SPECC1L: variants seen among roughly 807,000 people sequenced by gnomAD.
SPECC1L encodes cytospin-A.
In SPECC1L, 40 loss-of-function variants were observed where a neutral mutation model predicts 116.8. The observed-to-expected ratio is 0.34, with a 90% CI of 0.27 to 0.45. The LOEUF is 0.45. Ranked by LOEUF, SPECC1L falls within the 20% of genes least tolerant of loss-of-function variation. The pLI is 1.00. For synonymous variants in SPECC1L, 504 were observed against 500.6 expected (o/e 1.01, Z -0.09); for missense variants, 1,110 against 1,373.6 (o/e 0.81, Z 3.03).
At chr22:24,271,527 G>C (rs1202763750) in intron 1 of SPECC1L, among the ~76,000 whole-genome samples, 3 of 152,244 alleles carry the variant, frequency 2.0e-5, no homozygotes, top group Non-Finnish European at 4.4e-5. Context: ...CTTGAGACGT[G>C]GTTAATTGCA....
intron 14 of SPECC1L, among the ~76,000 whole-genome samples, chr22:24,399,825 T>C (rs2042438099): frequency 6.6e-6 from 1 of 152,154 alleles, no homozygotes; most frequent in African/African-American, 2.4e-5. Flanking sequence ...AGGTACTCAG[T>C]TTCAAGCTGA....
chr22:24,293,230 C>G (rs1233687416), intron 2 of SPECC1L, among the ~76,000 whole-genome samples: 1 of 151,990 alleles, frequency 6.6e-6, no homozygotes, highest in Non-Finnish European at 1.5e-5. Context: ...CCGAGGCAGT[C>G]GAATCATGAG....
chr22:24,413,244 T>C (rs1436786994), intron 16 of SPECC1L, among the ~76,000 whole-genome samples: 2 of 152,168 alleles, frequency 1.3e-5, no homozygotes, highest in Non-Finnish European at 1.5e-5. Flanking sequence ...AAACCCGGCG[T>C]GTTCTCAGGT....
intron 11 of SPECC1L, among the ~76,000 whole-genome samples, chr22:24,348,645 C>T (rs1343595529): frequency 1.3e-5 from 2 of 152,224 alleles, no homozygotes; most frequent in African/African-American, 4.8e-5. Flanking sequence ...CCCAAATACT[C>T]TGCATCTCTC....
chr22:24,322,902 A>G lies in SPECC1L; in HGVS notation c.1922A>G (p.Gln641Arg), dbSNP rs1363906029. The G allele has an allele frequency of 1.2e-6, 2 of 1,613,990 alleles. No homozygotes were observed. The highest frequency in any genetic ancestry group is 1.7e-6 in the Non-Finnish European group (2 of 1,179,872). ...AHTRNDANRL[Q>R]DAIAKVEDEY... ...ACCCGAAATGATGCCAATCGATTAC[A>G]GGATGCCATTGCTAAGGTATTGTTT... Residue 641 changes from glutamine to arginine, a missense_variant, in exon 5 of 17, where the codon CAG becomes CGG. Gln to Arg is a conservative substitution (Grantham distance 43). This residue lies in a region of SPECC1L where 575 missense variants were observed against 682.4 expected (regional missense o/e 0.84). Coordinates refer to ENST00000314328, the MANE Select transcript of SPECC1L (RefSeq NM_015330.6).
chr22:24,284,718 A>T (rs1417042416), intron 2 of SPECC1L, among the ~76,000 whole-genome samples: 1 of 152,198 alleles, frequency 6.6e-6, no homozygotes, highest in African/African-American at 2.4e-5. Flanking sequence ...TACATGCGTG[A>T]ACCACAACAC....
At chr22:24,376,929 T>G (rs2041983153) in intron 14 of SPECC1L, among the ~76,000 whole-genome samples, 2 of 152,060 alleles carry the variant, frequency 1.3e-5, no homozygotes, top group African/African-American at 4.8e-5. Flanking sequence ...TTTAAGTGTA[T>G]TCAGAGTTGT....
chr22:24,410,499 G>A (rs547528662), intron 14 of SPECC1L, among the ~76,000 whole-genome samples: 6 of 152,312 alleles, frequency 3.9e-5, no homozygotes, highest in Admixed American at 2.6e-4. Context: ...GAGGAGCCCT[G>A]TACTCATCCC....
chr22:24,412,035 C>T, intron 15 of SPECC1L: 1 of 422,334 alleles, frequency 2.4e-6, no homozygotes, highest in Non-Finnish European at 4.5e-6. Context: ...TCAGGCAGTG[C>T]TGACCAGGCC....
At chr22:24,317,606 G>C (rs1288930586) in intron 4 of SPECC1L, among the ~76,000 whole-genome samples, 6 of 149,984 alleles carry the variant, frequency 4.0e-5, no homozygotes, top group African/African-American at 1.5e-4. Context: ...TGGCCGGGCG[G>C]GGGGCTGATC....
chr22:24,286,694 A>G (rs1343446728), intron 2 of SPECC1L, among the ~76,000 whole-genome samples: 1 of 152,240 alleles, frequency 6.6e-6, no homozygotes, highest in Non-Finnish European at 1.5e-5. Flanking sequence ...GTCACTGATT[A>G]ACTGACCTAT....
At chr22:24,333,786 C>G (rs1037672953) in intron 8 of SPECC1L, among the ~76,000 whole-genome samples, 1 of 151,988 alleles carries the variant, frequency 6.6e-6, no homozygotes, top group Non-Finnish European at 1.5e-5. Context: ...AGAGTCTCAG[C>G]TCTGAGCCAG....
At chr22:24,382,470 C>T (rs1178664319) in intron 14 of SPECC1L, among the ~76,000 whole-genome samples, 3 of 152,056 alleles carry the variant, frequency 2.0e-5, no homozygotes, top group Admixed American at 2.0e-4. Flanking sequence ...TTTGAGAGGC[C>T]GAGGCAGGCG....
At chr22:24,315,148 T>C (rs1217440684) in intron 4 of SPECC1L, among the ~76,000 whole-genome samples, 1 of 152,252 alleles carries the variant, frequency 6.6e-6, no homozygotes, top group Non-Finnish European at 1.5e-5. Flanking sequence ...TCTTAGCCCC[T>C]CTTGTGTGTA....
intron 14 of SPECC1L, among the ~76,000 whole-genome samples, chr22:24,398,878 G>A (rs2042416716): frequency 6.6e-6 from 1 of 152,204 alleles, no homozygotes. Context: ...CCCTTCCTCA[G>A]AGCATGCACC....
At chr22:24,378,058 G>A (rs1402383268) in intron 14 of SPECC1L, among the ~76,000 whole-genome samples, 4 of 152,240 alleles carry the variant, frequency 2.6e-5, no homozygotes, top group Non-Finnish European at 5.9e-5. Context: ...TTAATAGAAG[G>A]CTGTTTTATC....
At chr22:24,401,339 G>A (rs2042469920) in intron 14 of SPECC1L, among the ~76,000 whole-genome samples, 1 of 152,200 alleles carries the variant, frequency 6.6e-6, no homozygotes, top group Non-Finnish European at 1.5e-5. Context: ...GGTGTAAACT[G>A]GTAGGCAGAG....
intron 4 of SPECC1L, among the ~76,000 whole-genome samples, chr22:24,315,897 G>A (rs1214624074): frequency 2.0e-5 from 3 of 152,162 alleles, no homozygotes; most frequent in Non-Finnish European, 4.4e-5. Context: ...CCCTCTGTGT[G>A]TGTGTCCTCA....
At chr22:24,359,734 G>A (rs1302308874) in intron 11 of SPECC1L, among the ~76,000 whole-genome samples, 1 of 152,104 alleles carries the variant, frequency 6.6e-6, no homozygotes, top group African/African-American at 2.4e-5. Flanking sequence ...GATTTCTTTG[G>A]GGGTATACTA....
Sources: gnomAD v4.1 joint callset for allele counts (sites outside exome capture counted in the v4.1 genomes callset) on GRCh38, gnomAD v4.1.1 for gene constraint, gnomAD v4.1.1 regional missense constraint, MANE v1.5 for transcripts, NCBI Gene and HGNC (gene_info 2026-07-23, HGNC 2026-07-21) for gene names.